VWF: variants seen among roughly 807,000 people sequenced by gnomAD.
VWF encodes Factor VIII related antigen.
Under a neutral mutation model 308.6 loss-of-function variants are expected in VWF, and 176 were observed. The observed-to-expected ratio is 0.57, with a 90% CI of 0.50 to 0.65. The LOEUF (loss-of-function observed/expected upper bound fraction) is 0.65. VWF is among the 30% of genes least tolerant of loss of function. VWF has a pLI of 0.00. For missense variants in VWF, 3,146 were observed against 3,648.2 expected, an observed-to-expected ratio of 0.86 and a Z score of 3.55; for synonymous variants, 1,385 against 1,443.4, an observed-to-expected ratio of 0.96 and a Z score of 0.92.
chr12:6,044,608 G>A (rs950588879), intron 17 of VWF, among the ~76,000 whole-genome samples, 157 bp from the exon 18 acceptor site: 1 of 152,212 alleles, frequency 6.6e-6, no homozygotes, highest in African/African-American at 2.4e-5. Context: ...GGGTCCCTGT[G>A]TGGGACTGGG....
intron 20 of VWF, among the ~76,000 whole-genome samples, chr12:6,032,449 T>C (rs1405739773): frequency 7.3e-5 from 11 of 150,698 alleles, no homozygotes; most frequent in Non-Finnish European, 1.2e-4. Context: ...ACCAGCCTGG[T>C]TAACACGGTG....
chr12:6,117,657 AAC>A (rs1426543159), intron 3 of VWF, among the ~76,000 whole-genome samples: 1 of 152,156 alleles, frequency 6.6e-6, no homozygotes. Flanking sequence ...CTCTACTAAA[AAC>A]ACAAAATTAG....
In VWF at chr12:6,013,337, C is replaced by T; in HGVS notation, c.5620+144G>A. ...CTCCCATGAACAGAAACTTAAAGGTCCTGGTCTATATAATAATCTTCATTC... is the reference window on the plus strand; with the variant it reads ...CTCCCATGAACAGAAACTTAAAGGTTCTGGTCTATATAATAATCTTCATTC... On this transcript the variant is annotated intron_variant, in intron 32 of 51. Transcript: ENST00000261405. 7.8e-6 allele frequency: 8 copies of T among 1,029,030 alleles called. No individual in the cohort carries two copies. The South Asian group carries it at 9.4e-5, about 12-fold the overall frequency. 63.7% of individuals were successfully genotyped at this position (1,029,030 alleles called of 1,614,324 possible). A position where few individuals can be genotyped will look rare whatever the true frequency, so the allele number is the denominator to read the frequency against.
intron 37 of VWF, among the ~76,000 whole-genome samples, chr12:5,993,501 G>T (rs971409894): frequency 6.6e-6 from 1 of 152,088 alleles, no homozygotes; most frequent in Non-Finnish European, 1.5e-5. Context: ...GCCCTTTACA[G>T]ATGCCTATAT....
At chr12:5,980,091 AAAGGAAGGAAGGAAGGAAGGAAGG>A (rs199720992) in intron 42 of VWF, among the ~76,000 whole-genome samples, 135 of 74,838 alleles carry the variant, frequency 1.8e-3, no homozygotes, top group Admixed American at 4.7e-3. Flanking sequence ...GAAAAGAAAG[AAAGGAAGGAAGGAAGGAAGGAAGG>A]AAGGAAGGAA....
chr12:6,094,956 GT>G (rs1945090369), intron 6 of VWF, among the ~76,000 whole-genome samples: 1 of 148,708 alleles, frequency 6.7e-6, no homozygotes, highest in African/African-American at 2.5e-5. Context: ...CGCCTCCTGG[GT>G]TCACGTCATT....
Position 6,007,007 on chromosome 12 carries a change from A to G in VWF, c.5842+4610T>C, listed in dbSNP as rs1000657461. Among the ~76,000 whole-genome samples the G allele has an allele frequency of 2.6e-4, 40 of 152,238 alleles. 1 individual carries two copies. The highest frequency in any genetic ancestry group is 9.6e-4 in the African/African-American group (40 of 41,464). On this transcript the variant is annotated intron_variant, in intron 34 of 51. Coordinates refer to ENST00000261405, the MANE Select transcript of VWF (RefSeq NM_000552.5). ...CAAGAGACAAAAAAACGGACATTAT[A>G]TAGTGATAAATGCATCAATTCACCA...
At chr12:5,976,312 G>A (rs772648245) in intron 42 of VWF, 52 bp from the exon 43 acceptor site, 51 of 1,612,282 alleles carry the variant, frequency 3.2e-5, no homozygotes, top group South Asian at 2.5e-4. Context: ...TGAAACAAGC[G>A]GTGAGTTAGC....
At chr12:5,971,518 A>C in intron 44 of VWF, 81 bp downstream of exon 44, 4 of 1,109,312 alleles carry the variant, frequency 3.6e-6, no homozygotes, top group Non-Finnish European at 5.5e-6. Flanking sequence ...AGGGCAGGGA[A>C]TGAGATGAAA....
Position 6,058,733 on chromosome 12 carries a change from A to G in VWF, c.1534-689T>C, listed in dbSNP as rs1944622995. On this transcript the variant is annotated intron_variant, in intron 13 of 51. Transcript: ENST00000261405. The surrounding 1 kb of genome is among the most constrained non-coding windows in gnomAD (Gnocchi z 4.9). Reference sequence around the variant, plus strand: ...TGAGGCAGCCTGCCAGGGTGACAGCAGCAAAGCAGCGGCACAGTTCAAACT... The same window carrying G: ...TGAGGCAGCCTGCCAGGGTGACAGCGGCAAAGCAGCGGCACAGTTCAAACT... Among the ~76,000 whole-genome samples, 1 of 152,196 alleles carries G rather than the reference A, an allele frequency of 6.6e-6. No homozygotes were observed. Among genetic ancestry groups the G allele is most frequent in the African/African-American group, 2.4e-5 (1 of 41,448 alleles).
chr12:5,965,740 G>A (rs1313038958), intron 47 of VWF, among the ~76,000 whole-genome samples: 1 of 152,182 alleles, frequency 6.6e-6, no homozygotes, highest in East Asian at 1.9e-4. Context: ...AACCCAGGAG[G>A]TGTCCCAGAG....
chr12:5,960,201 C>T (rs896457843), intron 47 of VWF, among the ~76,000 whole-genome samples: 3 of 151,440 alleles, frequency 2.0e-5, no homozygotes, highest in Non-Finnish European at 4.4e-5. Context: ...ACAGATTCCA[C>T]AGATATTAAA....
At position 6,014,190 on chromosome 12, in the gene VWF, G is replaced by A. The variant is rs542698208; in HGVS notation, c.5456-545C>T. Among the ~76,000 whole-genome samples the A allele has an allele frequency of 2.8e-3, 429 of 152,110 alleles. 4 individuals are homozygous for A. Among genetic ancestry groups the A allele is most frequent in the African/African-American group, 9.4e-3 (389 of 41,490 alleles). On this transcript the variant is annotated intron_variant, in intron 31 of 51. Transcript: ENST00000261405. ...AGCAGAAATGTGACTGCATGCTCCCGGGGGCTGGGGAGAGAGGGACAAGCA... is the reference window on the plus strand; with the variant it reads ...AGCAGAAATGTGACTGCATGCTCCCAGGGGCTGGGGAGAGAGGGACAAGCA...
At chr12:6,008,684 A>G (rs1251199252) in intron 34 of VWF, among the ~76,000 whole-genome samples, 1 of 152,216 alleles carries the variant, frequency 6.6e-6, no homozygotes, top group Admixed American at 6.5e-5. Context: ...ATGAATCAAG[A>G]AGATATGAAC....
rs1451832125 is a variant in VWF at position 6,063,115 on chromosome 12, A to G, written c.1433-61T>C. The G allele has an allele frequency of 7.0e-7, 1 of 1,422,332 alleles. No homozygotes were observed. The highest frequency in any genetic ancestry group is 9.8e-7 in the Non-Finnish European group (1 of 1,017,444). The allele number at this position is 1,422,332 out of a possible 1,614,324, so 88.1% of individuals were successfully genotyped here. On this transcript the variant is annotated intron_variant, in intron 12 of 51. Transcript: ENST00000261405. The surrounding 1 kb of genome is among the most constrained non-coding windows in gnomAD (Gnocchi z 4.9). The stretch of plus-strand genomic sequence containing the variant: ...GGGAGAGGACAGGGTGGTGGCAGGC[A>G]GATGTATTTGGGAGGAAATGGGGTG...
At chr12:6,029,859 C>G (rs921012092) in intron 21 of VWF, among the ~76,000 whole-genome samples, 7 of 152,242 alleles carry the variant, frequency 4.6e-5, no homozygotes, top group Non-Finnish European at 8.8e-5. Flanking sequence ...TTAAGCATCT[C>G]TAGTTGATTG....
intron 45 of VWF, among the ~76,000 whole-genome samples, chr12:5,968,575 C>T (rs1445137565): frequency 6.6e-6 from 1 of 152,160 alleles, no homozygotes; most frequent in Admixed American, 6.5e-5. Context: ...GTGGGCAGAT[C>T]ACTTGAGGTC....
intron 34 of VWF, among the ~76,000 whole-genome samples, chr12:6,007,185 A>G (rs59553277): frequency 0.042 from 6,416 of 152,308 alleles, 458 homozygotes; most frequent in African/African-American, 0.15. Context: ...TAGAAGATCA[A>G]TAAGGAAACA....
intron 34 of VWF, 76 bp from the exon 35 acceptor site, chr12:5,996,298 T>C: frequency 7.3e-7 from 1 of 1,362,310 alleles, no homozygotes; most frequent in South Asian, 1.3e-5. Flanking sequence ...CAGGCAGGTG[T>C]GACCAAGTTG....
Sources: gnomAD v4.1 joint callset for allele counts (sites outside exome capture counted in the v4.1 genomes callset) on GRCh38, gnomAD v4.1.1 for gene constraint, Gnocchi (gnomAD v3.1) non-coding constraint, MANE v1.5 for transcripts, NCBI Gene and HGNC (gene_info 2026-07-23, HGNC 2026-07-21) for gene names.